Variants in INPP4B observed in about 807,000 individuals in gnomAD.
INPP4B encodes inositol polyphosphate 4-phosphatase type II.
In INPP4B, 55 loss-of-function variants were observed where a neutral mutation model predicts 122.5. The observed-to-expected ratio is 0.45, with a 90% CI of 0.36 to 0.56. The LOEUF (loss-of-function observed/expected upper bound fraction) is 0.56. Among genes scored for constraint, INPP4B ranks in the 20% least tolerant of loss-of-function variants. The pLI is 0.00. For synonymous variants in INPP4B, 403 were observed against 388.7 expected (o/e 1.04, Z -0.43); for missense variants, 1,000 against 1,097.7 (o/e 0.91, Z 1.26).
chr4:142,768,070 C>A (rs927288127), intron 1 of INPP4B: 1 of 152,146 alleles, frequency 6.6e-6, no homozygotes, highest in Non-Finnish European at 1.5e-5. Flanking sequence ...GCACTGGAAG[C>A]ATTGGCTGTG....
intron 2 of INPP4B, among the ~76,000 whole-genome samples, chr4:142,602,930 A>G (rs946609438): frequency 6.6e-6 from 1 of 152,182 alleles, no homozygotes; most frequent in East Asian, 1.9e-4. Flanking sequence ...TTGCAGTGCT[A>G]TTTACAATAG....
intron 2 of INPP4B, among the ~76,000 whole-genome samples, chr4:142,601,558 T>C (rs956897454): frequency 2.0e-5 from 3 of 148,184 alleles, no homozygotes; most frequent in African/African-American, 7.4e-5. Flanking sequence ...CAGAGACAAG[T>C]TTATAGCAAT....
At chr4:142,502,638 G>A (rs1048060340) in intron 2 of INPP4B, among the ~76,000 whole-genome samples, 8 of 151,862 alleles carry the variant, frequency 5.3e-5, no homozygotes, top group Admixed American at 2.0e-4. Flanking sequence ...ACAGGTGGGC[G>A]CCCGGCTAAT....
At chr4:142,138,464 C>G (rs1805884955) in intron 18 of INPP4B, among the ~76,000 whole-genome samples, 2 of 151,074 alleles carry the variant, frequency 1.3e-5, no homozygotes, top group Non-Finnish European at 1.5e-5. Context: ...TGCAGCACAC[C>G]AGCATGGCAC....
chr4:142,242,663 G>A (rs906876169), intron 11 of INPP4B, among the ~76,000 whole-genome samples: 5 of 152,110 alleles, frequency 3.3e-5, no homozygotes, highest in African/African-American at 1.2e-4. Context: ...CAAATCACAG[G>A]AACCCCCCAC....
At chr4:142,788,132 T>C (rs1580917920) in intron 1 of INPP4B, among the ~76,000 whole-genome samples, 1 of 152,086 alleles carries the variant, frequency 6.6e-6, no homozygotes. Flanking sequence ...ATAGCAATTA[T>C]AATATTCAAG....
chr4:142,277,946 A>G (rs909428561), intron 9 of INPP4B, among the ~76,000 whole-genome samples: 3 of 151,856 alleles, frequency 2.0e-5, no homozygotes, highest in Non-Finnish European at 2.9e-5. Flanking sequence ...AAGATTATAC[A>G]TTGGGTACAG....
chr4:142,173,218 C>G (rs1826413974), intron 16 of INPP4B, among the ~76,000 whole-genome samples: 3 of 151,896 alleles, frequency 2.0e-5, no homozygotes, highest in African/African-American at 7.3e-5. Context: ...AAATCCACAT[C>G]AAAGTTCTGC....
intron 18 of INPP4B, among the ~76,000 whole-genome samples, chr4:142,125,786 T>C (rs1028444257): frequency 8.5e-5 from 13 of 152,146 alleles, no homozygotes; most frequent in African/African-American, 3.1e-4. Flanking sequence ...GCAAGAAAGA[T>C]AACTCACTGA....
intron 12 of INPP4B, among the ~76,000 whole-genome samples, chr4:142,215,869 G>A (rs1399965254): frequency 1.7e-5 from 2 of 115,974 alleles, no homozygotes; most frequent in East Asian, 5.8e-4. Flanking sequence ...CTCCAGCCTG[G>A]GCAACAGACC....
At chr4:142,281,877 T>C (rs184930172) in intron 9 of INPP4B, among the ~76,000 whole-genome samples, 1 of 152,154 alleles carries the variant, frequency 6.6e-6, no homozygotes, top group Non-Finnish European at 1.5e-5. Context: ...CATAATAAAA[T>C]CATTTTAAAA....
chr4:142,382,048 C>A (rs1035041881), intron 7 of INPP4B, among the ~76,000 whole-genome samples: 1 of 151,940 alleles, frequency 6.6e-6, no homozygotes, highest in East Asian at 1.9e-4. Flanking sequence ...AAGAAAAAAA[C>A]GTATCTAATT....
intron 7 of INPP4B, among the ~76,000 whole-genome samples, chr4:142,325,083 A>G (rs931428837): frequency 1.3e-5 from 2 of 152,146 alleles, no homozygotes; most frequent in Non-Finnish European, 2.9e-5. Context: ...TGGTCTCTCT[A>G]GTTATTTTTG....
At chr4:142,624,704 T>C (rs919924622) in intron 2 of INPP4B, among the ~76,000 whole-genome samples, 2 of 152,124 alleles carry the variant, frequency 1.3e-5, no homozygotes, top group South Asian at 2.1e-4. Flanking sequence ...ACCAATATCC[T>C]TGATGAACAT....
intron 2 of INPP4B, among the ~76,000 whole-genome samples, chr4:142,663,366 A>C (rs1755527052): frequency 6.6e-6 from 1 of 152,204 alleles, no homozygotes; most frequent in Non-Finnish European, 1.5e-5. Context: ...AAGGATAATA[A>C]ATTAATTTCA....
At chr4:142,721,031 A>G (rs1764591009) in intron 2 of INPP4B, among the ~76,000 whole-genome samples, 1 of 150,572 alleles carries the variant, frequency 6.6e-6, no homozygotes, top group Non-Finnish European at 1.5e-5. Context: ...GTTACCAATT[A>G]TTTGTAGCCC....
chr4:142,406,514 G>C (rs1803401632), intron 5 of INPP4B, among the ~76,000 whole-genome samples: 1 of 152,176 alleles, frequency 6.6e-6, no homozygotes, highest in East Asian at 1.9e-4. Flanking sequence ...TCTTTCAGAA[G>C]TACAAGGAGA....
intron 2 of INPP4B, among the ~76,000 whole-genome samples, chr4:142,643,897 C>T: frequency 6.6e-6 from 1 of 152,138 alleles, no homozygotes; most frequent in Non-Finnish European, 1.5e-5. Context: ...GCTACATCAA[C>T]TCCCCGCATA....
chr4:142,383,500 A>G (rs1042849700), intron 7 of INPP4B, among the ~76,000 whole-genome samples: 5 of 152,272 alleles, frequency 3.3e-5, no homozygotes, highest in African/African-American at 1.2e-4. Flanking sequence ...TTCTGAGCAG[A>G]CACCCATCAA....
Sources: allele counts gnomAD v4.1 joint callset (sites outside exome capture counted in the v4.1 genomes callset), GRCh38; gene constraint gnomAD v4.1.1; transcripts MANE v1.5; gene names NCBI Gene and HGNC (gene_info 2026-07-23, HGNC 2026-07-21).